MMP16: variants seen among roughly 807,000 people sequenced by gnomAD.
The protein encoded by MMP16 is matrix metalloproteinase-16.
MMP16 carries 12 observed loss-of-function variants against 67.8 expected under a neutral mutation model. That is an observed-to-expected ratio of 0.18 (90% CI 0.11 to 0.29). The LOEUF is 0.29. MMP16 is among the 10% of genes least tolerant of loss of function. The probability of loss-of-function intolerance (pLI) is 1.00; values close to 1 mark genes in which losing one functional copy is unlikely to be tolerated. For synonymous variants in MMP16, 249 were observed against 255.9 expected (o/e 0.97, Z 0.26); for missense variants, 475 against 765.7 (o/e 0.62, Z 4.48).
chr8:88,108,974 G>T (rs1809288713), intron 6 of MMP16, among the ~76,000 whole-genome samples: 1 of 151,292 alleles, frequency 6.6e-6, no homozygotes, highest in Non-Finnish European at 1.5e-5. Context: ...ATTGAGAAAT[G>T]ATTATGAAGT....
rs546282187 is a variant in MMP16, at chr8:88,159,426, T to C, written c.709+8243A>G. ...AGGTATTTTATTCTCTTTGAAGCAA[T>C]TGTGAATGGGAGTTCACTCATGATT... On this transcript the variant is annotated intron_variant, in intron 4 of 9. Coordinates refer to ENST00000286614, the MANE Select transcript of MMP16 (RefSeq NM_005941.5). Among the ~76,000 whole-genome samples, 5 of 152,342 alleles carry C rather than the reference T, an allele frequency of 3.3e-5. No individual in the cohort carries two copies. In the East Asian group the frequency reaches 7.7e-4, roughly 23 times the overall value.
intron 8 of MMP16, among the ~76,000 whole-genome samples, chr8:88,054,504 G>C (rs1808308035): frequency 6.6e-6 from 1 of 152,158 alleles, no homozygotes; most frequent in Admixed American, 6.6e-5. Context: ...ATCCTGTTGA[G>C]AGTCATTACA....
chr8:88,228,719 C>G (rs1355471273), intron 1 of MMP16, among the ~76,000 whole-genome samples: 1 of 152,030 alleles, frequency 6.6e-6, no homozygotes, highest in Non-Finnish European at 1.5e-5. Flanking sequence ...TTATAATGCA[C>G]CCCTTTGCTC....
rs1220283216 is a variant in MMP16, at chr8:88,167,790, G to A, written c.588C>T (p.Ser196=). ...IIFASGFHGD[S]SPFDGEGGFL... is the part of the protein sequence containing the mutation. ...ATCCTCCCTCTCCATCAAAGGGAGA[G>A]CTGTCCCCATGGAAACCAGATGCAA... Residue 196 remains serine, a synonymous_variant, in exon 4 of 10, where the codon AGC becomes AGT. Transcript: ENST00000286614. 2.5e-6 allele frequency: 4 copies of A among 1,613,910 alleles called. No homozygotes were observed. The African/African-American group carries it at 4.0e-5, about 16-fold the overall frequency.
intron 1 of MMP16, among the ~76,000 whole-genome samples, chr8:88,201,108 C>T (rs532869639): frequency 7.5e-6 from 1 of 132,710 alleles, no homozygotes; most frequent in African/African-American, 2.8e-5. Flanking sequence ...TCTTGAAATA[C>T]TGACTCTGAT....
chr8:88,309,210 A>G (rs1221642455), intron 1 of MMP16, among the ~76,000 whole-genome samples: 1 of 152,136 alleles, frequency 6.6e-6, no homozygotes, highest in Admixed American at 6.6e-5. Flanking sequence ...TTTTAATTAT[A>G]GAAACAACTT....
At position 88,175,660 on chromosome 8, in the gene MMP16, C is replaced by T. The variant is rs149185996; in HGVS notation, c.405-7687G>A. Among the ~76,000 whole-genome samples the T allele has an allele frequency of 3.5e-3, 526 of 152,060 alleles. 4 individuals carry two copies. The highest frequency in any genetic ancestry group is 5.1e-3 in the Non-Finnish European group (345 of 67,980). ...ATTATGCTACTTTCATTATTTTTTC[C>T]ATTATCTTACTTAATTTTCCCTAAG... On this transcript the variant is annotated intron_variant, in intron 3 of 9. Transcript: ENST00000286614.
intron 3 of MMP16, among the ~76,000 whole-genome samples, chr8:88,181,868 A>T (rs1018139146): frequency 6.6e-6 from 1 of 152,054 alleles, no homozygotes; most frequent in African/African-American, 2.4e-5. Flanking sequence ...TGATCACCAC[A>T]AATAGAGTCA....
At position 88,228,505 on chromosome 8, in the gene MMP16, A is replaced by G. The variant is rs180889460; in HGVS notation, c.133-31199T>C. Among the ~76,000 whole-genome samples the G allele has an allele frequency of 2.7e-3, 408 of 152,232 alleles. 5 individuals are homozygous for G. The Middle Eastern group carries it at 0.048, about 18-fold the overall frequency. ...GAAAAATATATATGTTACCAATGAC[A>G]ATAAAAATGACTGTCAAAGATAGGA... On this transcript the variant is annotated intron_variant, in intron 1 of 9. Transcript: ENST00000286614.
intron 1 of MMP16, among the ~76,000 whole-genome samples, chr8:88,223,216 G>A (rs1404563130): frequency 1.3e-5 from 2 of 152,168 alleles, no homozygotes; most frequent in Non-Finnish European, 2.9e-5. Flanking sequence ...AGGATGTGGA[G>A]AAATAGGAAT....
intron 1 of MMP16, among the ~76,000 whole-genome samples, chr8:88,310,663 T>A (rs1811280671): frequency 6.6e-6 from 1 of 152,166 alleles, no homozygotes; most frequent in Admixed American, 6.6e-5. Context: ...CACAAAGTTA[T>A]AATTTACTGT....
intron 1 of MMP16, among the ~76,000 whole-genome samples, chr8:88,311,291 A>G (rs926640393): frequency 3.9e-5 from 6 of 152,158 alleles, no homozygotes; most frequent in Non-Finnish European, 8.8e-5. Context: ...TACCTGCTAG[A>G]GCCGAGATCA....
chr8:88,218,592 A>G (rs1164510823), intron 1 of MMP16, among the ~76,000 whole-genome samples: 1 of 152,058 alleles, frequency 6.6e-6, no homozygotes, highest in Non-Finnish European at 1.5e-5. Context: ...CATGTTGCAT[A>G]CCTTAAATGC....
At chr8:88,217,602 A>G (rs1462858020) in intron 1 of MMP16, among the ~76,000 whole-genome samples, 1 of 151,976 alleles carries the variant, frequency 6.6e-6, no homozygotes, top group African/African-American at 2.4e-5. Flanking sequence ...TCAATCCTTT[A>G]TATTACCAAT....
At chr8:88,153,073 A>C (rs1048382835) in intron 4 of MMP16, among the ~76,000 whole-genome samples, 1 of 135,948 alleles carries the variant, frequency 7.4e-6, no homozygotes, top group African/African-American at 2.7e-5. Context: ...CACCAGCAAC[A>C]GACAAACAGA....
At chr8:88,159,302 G>A (rs183554127) in intron 4 of MMP16, among the ~76,000 whole-genome samples, 4 of 152,264 alleles carry the variant, frequency 2.6e-5, no homozygotes, top group Admixed American at 2.0e-4. Flanking sequence ...CCATGGGCAT[G>A]GAAAGTTCTT....
chr8:88,189,901 C>T (rs1396304522), intron 2 of MMP16, among the ~76,000 whole-genome samples: 5 of 152,108 alleles, frequency 3.3e-5, no homozygotes, highest in Non-Finnish European at 4.4e-5. Flanking sequence ...GGTAGAGAGC[C>T]AAGCATGAGG....
intron 1 of MMP16, among the ~76,000 whole-genome samples, chr8:88,215,679 C>T (rs1809580966): frequency 6.6e-6 from 1 of 152,166 alleles, no homozygotes; most frequent in East Asian, 1.9e-4. Flanking sequence ...TCCCCTCCTA[C>T]TCCTAAGAAT....
Position 88,046,421 on chromosome 8 carries a change from C to T in MMP16, c.1489+248G>A, listed in dbSNP as rs190757920. On this transcript the variant is annotated intron_variant, in intron 9 of 9. Coordinates refer to ENST00000286614, the MANE Select transcript of MMP16 (RefSeq NM_005941.5). ...GGTAAAATTACCTCAAAGGTATACA[C>T]AACTTCCATATTAAACTATTACTTG... Among the ~76,000 whole-genome samples, 340 of 152,220 alleles carry T rather than the reference C, an allele frequency of 2.2e-3. 1 individual carries two copies. The highest frequency in any genetic ancestry group is 7.1e-3 in the African/African-American group (296 of 41,538).
Sources: allele counts gnomAD v4.1 joint callset (sites outside exome capture counted in the v4.1 genomes callset), GRCh38; gene constraint gnomAD v4.1.1; transcripts MANE v1.5; gene names NCBI Gene and HGNC (gene_info 2026-07-23, HGNC 2026-07-21).